Variants in ZBTB40 observed in about 807,000 individuals in gnomAD.
The protein encoded by ZBTB40 is zinc finger and BTB domain-containing protein 40.
ZBTB40 carries 60 observed loss-of-function variants against 117.5 expected under a neutral mutation model. That is an observed-to-expected ratio of 0.51 (90% CI 0.41 to 0.63). The LOEUF is 0.63. ZBTB40 is among the 30% of genes least tolerant of loss of function. The probability of loss-of-function intolerance (pLI) is 0.00; values close to 1 mark genes in which losing one functional copy is unlikely to be tolerated. For missense variants in ZBTB40, 1,287 were observed against 1,498.5 expected (o/e 0.86, Z 2.33); for synonymous variants, 525 against 577.1 (o/e 0.91, Z 1.29).
intron 2 of ZBTB40, 105 bp downstream of exon 2, chr1:22,490,750 C>G: frequency 7.4e-7 from 1 of 1,344,480 alleles, no homozygotes; most frequent in Non-Finnish European, 1.0e-6. Context: ...GGTAGAAAAC[C>G]AAAATTCAGT....
chr1:22,501,434 G>C, intron 3 of ZBTB40, 58 bp from the exon 4 acceptor site: 2 of 1,594,436 alleles, frequency 1.3e-6, no homozygotes, highest in Non-Finnish European at 1.7e-6. Context: ...CCAAATGCAA[G>C]GAGCGGATGG....
In ZBTB40 at chr1:22,431,995, T is replaced by C. The variant is rs148633801; in HGVS notation, c.-70+2981T>C. Among the ~76,000 whole-genome samples the C allele has an allele frequency of 3.3e-4, 50 of 151,812 alleles. No homozygotes were observed. The East Asian group carries it at 5.0e-3, about 15-fold the overall frequency. On this transcript the variant is annotated intron_variant, in intron 1 of 8. Coordinates refer to the ZBTB40 transcript ENST00000650433. The stretch of plus-strand genomic sequence containing the variant: ...TACTTTTCAGCTAAAAAAAAAAATA[T>C]ATTGAAACAACAGACATTTATTCTT...
intron 1 of ZBTB40, among the ~76,000 whole-genome samples, chr1:22,434,054 G>A (rs563645154): frequency 8.5e-5 from 13 of 152,260 alleles, no homozygotes; most frequent in East Asian, 3.9e-4. Context: ...CATAGGGATC[G>A]TAGAGTGGAG....
At position 22,433,439 on chromosome 1, in the gene ZBTB40, A is replaced by C. The variant is rs113374578; in HGVS notation, c.-70+4425A>C. On this transcript the variant is annotated intron_variant, in intron 1 of 8. Coordinates refer to the ZBTB40 transcript ENST00000650433. Reference sequence around the variant, plus strand: ...CAGAGCAAGACGCCCTCTCAAAAAAAAAAAAAAAAAAAAAAAAAGACAGCT... The same window carrying C: ...CAGAGCAAGACGCCCTCTCAAAAAACAAAAAAAAAAAAAAAAAAGACAGCT... Among the ~76,000 whole-genome samples the C allele has an allele frequency of 2.2e-3, 182 of 83,738 alleles. 2 individuals carry two copies. The highest frequency in any genetic ancestry group is 4.5e-3 in the African/African-American group (68 of 15,204). The allele number at this position is 83,738 out of a possible 152,430, so 54.9% of individuals were successfully genotyped here. A position where few individuals can be genotyped will look rare whatever the true frequency, so the allele number is the denominator to read the frequency against.
rs544034776 is a variant in ZBTB40, at chr1:22,506,074, G to A, written c.1193G>A (p.Arg398Lys). 8 of 1,614,100 alleles carry A rather than the reference G, an allele frequency of 5.0e-6. No individual in the cohort carries two copies. In the African/African-American group the frequency reaches 9.3e-5, roughly 19 times the overall value. Residue 398 changes from arginine (R) to lysine (K), a missense_variant, in exon 6 of 18, where the codon AGA (arginine) becomes AAA (lysine). Arg to Lys is a conservative substitution (Grantham distance 26). Coordinates refer to ENST00000375647, the MANE Select transcript of ZBTB40 (RefSeq NM_014870.4). ...GTGATTCTGAATTGCTGTGAGGGCAGAACACCCAAGGAGACAATAGAAAAT... is the reference window on the plus strand; with the variant it reads ...GTGATTCTGAATTGCTGTGAGGGCAAAACACCCAAGGAGACAATAGAAAAT... ...KRVILNCCEG[R>K]TPKETIENLL...
Position 22,511,656 on chromosome 1 carries a change from G to A in ZBTB40, c.2003-20G>A, listed in dbSNP as rs771523277. The A allele has an allele frequency of 1.9e-5, 30 of 1,610,230 alleles. No homozygotes were observed. Among genetic ancestry groups the A allele is most frequent in the South Asian group, 2.2e-5 (2 of 90,122 alleles). ...AGAAACAGAGAGTTCGCAGAGCCAC[G>A]AGATGTCTCTTTTATGCAGGTGTCC... is the stretch of plus-strand genomic sequence containing the variant. On this transcript the variant is annotated intron_variant, in intron 10 of 17. Coordinates refer to ENST00000375647, the MANE Select transcript of ZBTB40 (RefSeq NM_014870.4).
At chr1:22,502,695 GTGGACAGTTGGACAGATGGATGGA>G (rs1223564537) in intron 5 of ZBTB40, among the ~76,000 whole-genome samples, 105 of 152,090 alleles carry the variant, frequency 6.9e-4, no homozygotes, top group South Asian at 1.7e-3. Context: ...GGATGGATGG[GTGGACAGTTGGACAGATGGATGGA>G]TGGACGGACG....
rs1639705837 is a variant in ZBTB40, at chr1:22,527,330, G to A, written c.*934G>A. The stretch of plus-strand genomic sequence containing the variant: ...TGTGGAGGAGCAGCCGTGACTGCCC[G>A]TGGCTCTGCTGCCGCCCACTCCCTG... On this transcript the variant is annotated 3_prime_UTR_variant, in exon 18 of 18. Coordinates refer to ENST00000375647, the MANE Select transcript of ZBTB40 (RefSeq NM_014870.4). 1 of 152,382 alleles carries A rather than the reference G, an allele frequency of 6.6e-6. No homozygotes were observed. The highest frequency in any genetic ancestry group is 6.5e-5 in the Admixed American group (1 of 15,292). The allele number at this position is 152,382 out of a possible 1,614,324, so 9.4% of individuals were successfully genotyped here.
At chr1:22,478,728 T>C (rs1275773419) in intron 1 of ZBTB40, among the ~76,000 whole-genome samples, 1 of 152,208 alleles carries the variant, frequency 6.6e-6, no homozygotes, top group Non-Finnish European at 1.5e-5. Flanking sequence ...TAATCTCCCC[T>C]TCCCATACTC....
intron 12 of ZBTB40, among the ~76,000 whole-genome samples, chr1:22,514,050 A>T (rs1444939094): frequency 6.6e-6 from 1 of 152,112 alleles, no homozygotes; most frequent in Non-Finnish European, 1.5e-5. Flanking sequence ...GGGGGCAGGG[A>T]GAGGGGAGTG....
At chr1:22,441,643 C>T (rs1433383718) in intron 1 of ZBTB40, among the ~76,000 whole-genome samples, 1 of 151,600 alleles carries the variant, frequency 6.6e-6, no homozygotes, top group African/African-American at 2.4e-5. Flanking sequence ...CCACTGCACC[C>T]GGCTAATTTT....
chr1:22,465,267 C>G (rs1641225930), intron 1 of ZBTB40, among the ~76,000 whole-genome samples: 1 of 152,144 alleles, frequency 6.6e-6, no homozygotes, highest in African/African-American at 2.4e-5. Flanking sequence ...GGTAACTCCT[C>G]TCTGCGGGCA....
intron 2 of ZBTB40, 42 bp downstream of exon 2, chr1:22,490,687 G>T (rs1396429309): frequency 2.5e-6 from 4 of 1,602,478 alleles, no homozygotes; most frequent in Admixed American, 1.7e-5. Flanking sequence ...TGTTTTCAAT[G>T]ATCTTTATCA....
chr1:22,445,932 G>C (rs1410368700), intron 1 of ZBTB40, among the ~76,000 whole-genome samples: 2 of 151,566 alleles, frequency 1.3e-5, no homozygotes, highest in African/African-American at 4.8e-5. Flanking sequence ...GCAAGCATCA[G>C]AACCAGCCCC....
At chr1:22,441,110 G>T (rs894948409) in intron 1 of ZBTB40, among the ~76,000 whole-genome samples, 3 of 152,028 alleles carry the variant, frequency 2.0e-5, no homozygotes, top group Non-Finnish European at 4.4e-5. Flanking sequence ...TTGGTCCAGG[G>T]CTTTTCTTTG....
chr1:22,439,250 TTATCTGA>T (rs1640705789), intron 1 of ZBTB40, among the ~76,000 whole-genome samples: 1 of 152,238 alleles, frequency 6.6e-6, no homozygotes, highest in Admixed American at 6.5e-5. Flanking sequence ...TATTAAGCCT[TTATCTGA>T]TATATGATTT....
chr1:22,523,151 T>C (rs1639586294), intron 16 of ZBTB40, among the ~76,000 whole-genome samples: 1 of 151,638 alleles, frequency 6.6e-6, no homozygotes, highest in African/African-American at 2.4e-5. Flanking sequence ...CGGGGTTTCA[T>C]CATGTTAGCC....
At chr1:22,464,614 T>C (rs1466443294) in intron 1 of ZBTB40, among the ~76,000 whole-genome samples, 2 of 152,246 alleles carry the variant, frequency 1.3e-5, no homozygotes, top group Non-Finnish European at 2.9e-5. Flanking sequence ...TTTATGCATG[T>C]TTACTATAGA....
At chr1:22,441,539 G>A (rs1640733376) in intron 1 of ZBTB40, among the ~76,000 whole-genome samples, 1 of 128,950 alleles carries the variant, frequency 7.8e-6, no homozygotes, top group African/African-American at 2.8e-5. Flanking sequence ...GTGCAGTGCA[G>A]TGGCATGATC....
Sources: allele counts gnomAD v4.1 joint callset (sites outside exome capture counted in the v4.1 genomes callset), GRCh38; gene constraint gnomAD v4.1.1; transcripts MANE v1.5; gene names NCBI Gene and HGNC (gene_info 2026-07-23, HGNC 2026-07-21).